ATXN7: variants seen among roughly 807,000 people sequenced by gnomAD.
The protein encoded by ATXN7 is ataxin-7.
In ATXN7, 12 loss-of-function variants were observed where a neutral mutation model predicts 70.5. The observed-to-expected ratio is 0.17, with a 90% confidence interval of 0.11 to 0.28. The LOEUF (loss-of-function observed/expected upper bound fraction) is 0.28, where lower values mean the gene tolerates loss of function less well. Ranked by LOEUF, ATXN7 falls within the 10% of genes least tolerant of loss-of-function variation. ATXN7 has a pLI of 1.00. For synonymous variants in ATXN7, 498 were observed against 448.7 expected (o/e 1.11, Z -1.39); for missense variants, 1,256 against 1,131.7 (o/e 1.11, Z -1.58).
At chr3:63,964,382 C>G (rs2075184582) in intron 5 of ATXN7, among the ~76,000 whole-genome samples, 1 of 152,054 alleles carries the variant, frequency 6.6e-6, no homozygotes, top group Non-Finnish European at 1.5e-5. Flanking sequence ...AATTGCAAGG[C>G]CAAGGAAAAA....
chr3:63,916,240 T>G (rs1704262453), intron 4 of ATXN7, among the ~76,000 whole-genome samples: 1 of 152,212 alleles, frequency 6.6e-6, no homozygotes, highest in Non-Finnish European at 1.5e-5. Context: ...TCCTTTTAAC[T>G]CTTTCAACTG....
intron 4 of ATXN7, among the ~76,000 whole-genome samples, chr3:63,932,090 G>A (rs1001080733): frequency 3.9e-5 from 6 of 152,140 alleles, no homozygotes; most frequent in Non-Finnish European, 5.9e-5. Flanking sequence ...CACCACCAAT[G>A]AATATCCAAA....
intron 1 of ATXN7, chr3:63,864,428 C>G (rs1163023061): frequency 6.6e-6 from 1 of 152,122 alleles, no homozygotes; most frequent in Non-Finnish European, 1.5e-5. Context: ...CCCACGCGCG[C>G]TGGGGCGGGT....
rs879350599 is a variant in ATXN7, at chr3:64,002,496, T to C, written c.*3029T>C. ...TATTTTATGTGTGGGAGTATGTGAC[T>C]GCGTGTGTGTGTGCCTGTGCGTGTG... On this transcript the variant is annotated 3_prime_UTR_variant, in exon 13 of 13. Coordinates refer to ENST00000674280, the MANE Select transcript of ATXN7 (RefSeq NM_001377405.1). 2.6e-5 allele frequency: 4 copies of C among 151,310 alleles called. No homozygotes were observed. The highest frequency in any genetic ancestry group is 2.6e-4 in the Admixed American group (4 of 15,216). 9.4% of individuals were successfully genotyped at this position (151,310 alleles called of 1,614,324 possible).
chr3:63,982,964 C>T lies in ATXN7; in HGVS notation c.1038C>T (p.His346=). 8 of 1,614,078 alleles carry T rather than the reference C, an allele frequency of 5.0e-6. No homozygotes were observed. The highest frequency in any genetic ancestry group is 6.8e-6 in the Non-Finnish European group (8 of 1,179,986). The change falls in exon 8 of 13, where the codon CAC becomes CAT. Residue 346 remains histidine (H), a synonymous_variant. Transcript: ENST00000674280. ...AAAGAGAGTTTGATCCTGACATCCACTGTGGGGTTATTGATCTCGACACCA... is the reference window on the plus strand; with the variant it reads ...AAAGAGAGTTTGATCCTGACATCCATTGTGGGGTTATTGATCTCGACACCA... ...LSEREFDPDI[H]CGVIDLDTKK...
chr3:63,973,085 C>T (rs768107966), intron 5 of ATXN7, among the ~76,000 whole-genome samples: 47 of 152,182 alleles, frequency 3.1e-4, no homozygotes, highest in Non-Finnish European at 5.1e-4. Context: ...CAACTGAAGA[C>T]GCTGCCAACG....
chr3:63,968,120 C>T (rs1257079861), intron 5 of ATXN7: 34 of 676,066 alleles, frequency 5.0e-5, no homozygotes, highest in Non-Finnish European at 7.7e-5. Flanking sequence ...CTTTTTCCTC[C>T]TGGCATTTGT....
At chr3:63,954,591 AAAG>A (rs2075009050) in intron 5 of ATXN7, among the ~76,000 whole-genome samples, 2 of 152,170 alleles carry the variant, frequency 1.3e-5, no homozygotes, top group Non-Finnish European at 2.9e-5. Context: ...CCTTAGGCAG[AAAG>A]AAGACCTATT....
At chr3:63,903,269 C>G (rs146901788) in intron 2 of ATXN7, among the ~76,000 whole-genome samples, 1,886 of 151,778 alleles carry the variant, frequency 0.012, 15 homozygotes, top group Non-Finnish European at 0.019. Context: ...GGCCTGTAGT[C>G]CCACCTACCC....
intron 1 of ATXN7, among the ~76,000 whole-genome samples, chr3:63,887,205 T>C (rs1202465828): frequency 6.6e-6 from 1 of 152,220 alleles, no homozygotes; most frequent in East Asian, 1.9e-4. Flanking sequence ...GTTTGTGATG[T>C]AGTGCCAGAA....
At chr3:63,928,565 A>T (rs1183665511) in intron 4 of ATXN7, among the ~76,000 whole-genome samples, 1 of 152,212 alleles carries the variant, frequency 6.6e-6, no homozygotes, top group Non-Finnish European at 1.5e-5. Context: ...AAAGAGCTTT[A>T]CATGGACTGC....
At chr3:63,935,204 TGGA>T (rs1463966452) in intron 4 of ATXN7, among the ~76,000 whole-genome samples, 4 of 152,178 alleles carry the variant, frequency 2.6e-5, no homozygotes, top group East Asian at 1.9e-4. Context: ...AGTCACATTA[TGGA>T]GGAGATCACT....
At chr3:63,950,095 T>C (rs1376029481) in intron 4 of ATXN7, among the ~76,000 whole-genome samples, 1 of 152,132 alleles carries the variant, frequency 6.6e-6, no homozygotes, top group Non-Finnish European at 1.5e-5. Context: ...GAAGTATAGA[T>C]TCTTGGTTCC....
chr3:63,985,641 C>G (rs1275353155), intron 8 of ATXN7, among the ~76,000 whole-genome samples: 1 of 152,198 alleles, frequency 6.6e-6, no homozygotes, highest in Non-Finnish European at 1.5e-5. Context: ...AGGGGATTTG[C>G]TGCTGTTCAT....
chr3:63,969,263 A>G (rs959523147), intron 5 of ATXN7, among the ~76,000 whole-genome samples: 1 of 152,164 alleles, frequency 6.6e-6, no homozygotes, highest in African/African-American at 2.4e-5. Flanking sequence ...TCTGGTCTTC[A>G]GGTATTCTGC....
chr3:63,914,399 A>C (rs1364506339), intron 4 of ATXN7, among the ~76,000 whole-genome samples: 1 of 152,238 alleles, frequency 6.6e-6, no homozygotes, highest in Non-Finnish European at 1.5e-5. Context: ...AGATTATAGA[A>C]CAAATTAGTT....
intron 1 of ATXN7, among the ~76,000 whole-genome samples, chr3:63,870,358 AG>A (rs1702558883): frequency 6.6e-6 from 1 of 152,186 alleles, no homozygotes; most frequent in Non-Finnish European, 1.5e-5. Context: ...TTAGATGCAT[AG>A]ATTTGTGGCA....
rs145359363 is a variant in ATXN7 at position 63,889,225 on chromosome 3, C to T, written c.-110-9174C>T. Among the ~76,000 whole-genome samples, 1,442 of 152,174 alleles carry T rather than the reference C, an allele frequency of 9.5e-3. 20 individuals are homozygous for T. The highest frequency in any genetic ancestry group is 0.031 in the African/African-American group (1,300 of 41,498). ...GAAAATTACCCTGGGAAAAGTCCAT[C>T]CTATCAACAAAGTAGATATTACAAT... On this transcript the variant is annotated intron_variant, in intron 1 of 12. Transcript: ENST00000674280.
chr3:63,888,753 C>T (rs113721523), intron 1 of ATXN7, among the ~76,000 whole-genome samples: 14,050 of 151,980 alleles, frequency 0.092, 894 homozygotes, highest in East Asian at 0.24. Flanking sequence ...TCCAGCCTGG[C>T]GACAGAGCGA....
Sources: allele counts gnomAD v4.1 joint callset (sites outside exome capture counted in the v4.1 genomes callset), GRCh38; gene constraint gnomAD v4.1.1; transcripts MANE v1.5; gene names NCBI Gene and HGNC (gene_info 2026-07-23, HGNC 2026-07-21).